GPR143: variants seen among roughly 807,000 people sequenced by gnomAD.
The protein encoded by GPR143 is G-protein coupled receptor 143.
A neutral mutation model predicts 27.6 loss-of-function variants in GPR143; 8 were observed. The ratio of observed to expected loss-of-function variants is 0.29; its 90% CI spans 0.17 to 0.52. GPR143 has a LOEUF of 0.52. Among genes scored for constraint, GPR143 ranks in the 20% least tolerant of loss-of-function variants. The pLI, the probability that GPR143 is intolerant of heterozygous loss-of-function variation, is 0.96. For missense variants in GPR143, 303 were observed against 343.1 expected (o/e 0.88, Z 0.92); for synonymous variants, 156 against 153.2 (o/e 1.02, Z -0.13).
chrX:9,763,920 G>T (rs188088837), intron 1 of GPR143, among the ~76,000 whole-genome samples: 1 of 112,535 alleles, frequency 8.9e-6, no homozygotes, highest in East Asian at 2.8e-4. Context: ...ACATAGCTGC[G>T]TTCCCATCAA....
At chrX:9,728,001 G>A (rs145054598) in intron 8 of GPR143, among the ~76,000 whole-genome samples, 1,260 of 112,353 alleles carry the variant, frequency 0.011, 16 homozygotes, top group African/African-American at 0.039. Flanking sequence ...CTAATATTAC[G>A]TCATGCTCAG....
intron 5 of GPR143, among the ~76,000 whole-genome samples, chrX:9,744,879 TAA>T (rs1306461539): frequency 8.9e-6 from 1 of 112,015 alleles, no homozygotes; most frequent in Non-Finnish European, 1.9e-5. Context: ...CTTTTTTCTA[TAA>T]GTCATTTCCA....
intron 2 of GPR143, 110 bp downstream of exon 2, chrX:9,760,607 G>A: frequency 3.9e-6 from 2 of 508,346 alleles, no homozygotes; most frequent in Admixed American, 2.7e-5. Flanking sequence ...TCAGCAGGAT[G>A]GGGCAGGACG....
upstream of GPR143, among the ~76,000 whole-genome samples, chrX:9,766,448 AAG>A (rs778439446): frequency 4.4e-3 from 494 of 112,351 alleles, 2 homozygotes; most frequent in African/African-American, 0.015. Context: ...ATGTTAAAGA[AAG>A]AGCAGTAGCT....
chrX:9,727,379 T>C (rs1305968354), intron 8 of GPR143, among the ~76,000 whole-genome samples: 1 of 113,038 alleles, frequency 8.8e-6, no homozygotes, highest in Non-Finnish European at 1.9e-5. Flanking sequence ...CTCACTCTTC[T>C]ATAGTCAGTG....
intron 1 of GPR143, among the ~76,000 whole-genome samples, chrX:9,764,429 G>C (rs2083517277): frequency 9.1e-6 from 1 of 110,236 alleles, no homozygotes; most frequent in South Asian, 3.9e-4. Flanking sequence ...AAAAAGCCTG[G>C]ATAGGGAAGG....
At position 9,739,552 on chromosome X, in the gene GPR143, A is replaced by AG; in HGVS notation, c.1052dup (p.Ala352CysfsTer14). The AG allele has an allele frequency of 1.7e-6, 2 of 1,211,427 alleles. No individual in the cohort carries two copies. The highest frequency in any genetic ancestry group is 2.2e-6 in the Non-Finnish European group (2 of 895,127). ...CCACTTGAGACACCTTCCCGGAAGC[A>AG]GGGTTTTCATGGGGCATCAGTGGGG... On this transcript the variant is annotated frameshift_variant, in exon 8 of 9. Coordinates refer to ENST00000467482, the MANE Select transcript of GPR143 (RefSeq NM_000273.3). LOFTEE classifies it high-confidence loss of function.
At chrX:9,761,102 CT>C (rs924580154) in intron 1 of GPR143, among the ~76,000 whole-genome samples, 8 of 109,483 alleles carry the variant, frequency 7.3e-5, no homozygotes, top group Non-Finnish European at 1.3e-4. Flanking sequence ...TTTTATTTAT[CT>C]TTTTTTTTGA....
At chrX:9,751,344 A>G (rs1486168103) in intron 3 of GPR143, among the ~76,000 whole-genome samples, 1 of 112,438 alleles carries the variant, frequency 8.9e-6, no homozygotes, top group South Asian at 3.7e-4. Context: ...ATTTACCAGC[A>G]TCCTGTGCTC....
chrX:9,770,323 A>AGAGAGAGAG (rs2083549800), upstream of GPR143, among the ~76,000 whole-genome samples: 4 of 89,019 alleles, frequency 4.5e-5, no homozygotes, highest in African/African-American at 1.9e-4. Flanking sequence ...AAGAAAGAAA[A>AGAGAGAGAG]AGAGAGAGAG....
At chrX:9,749,448 T>G (rs181900314) in intron 3 of GPR143, among the ~76,000 whole-genome samples, 114 of 110,544 alleles carry the variant, frequency 1.0e-3, no homozygotes, top group Middle Eastern at 4.6e-3. Context: ...CCTTTGCCCA[T>G]CCCCCAGCCC....
intron 8 of GPR143, among the ~76,000 whole-genome samples, chrX:9,732,591 G>A (rs770524726): frequency 3.6e-5 from 4 of 111,240 alleles, no homozygotes; most frequent in East Asian, 5.7e-4. Flanking sequence ...GGCTGGGCAC[G>A]GTGACTCACA....
In GPR143 at chrX:9,741,456, C is replaced by CTGTT. The variant is rs370354420; in HGVS notation, c.768-5_768-2dup. The CTGTT allele has an allele frequency of 2.8e-5, 27 of 950,800 alleles. No individual in the cohort carries two copies. In the African/African-American group the frequency reaches 5.0e-4, roughly 17 times the overall value. 78.4% of individuals were successfully genotyped at this position (950,800 alleles called of 1,213,427 possible). ...TTCATTGATGATATTCGACAACCAA[C>CTGTT]TGTTAGAAAGAAAATGGCAGCAGGT... is the stretch of plus-strand genomic sequence containing the variant. On this transcript the variant is annotated splice_acceptor_variant, in intron 6 of 8. Transcript: ENST00000467482. LOFTEE classifies it high-confidence loss of function.
At position 9,765,559 on chromosome X, in the gene GPR143, C is replaced by T; in HGVS notation, c.250+9G>A. ...CAGATTCCAACCCGCGGGCCGCGCG[C>T]GCCCTTACCCAGGCAGCCGAGAAGG... On this transcript the variant is annotated intron_variant, in intron 1 of 8. Transcript: ENST00000467482. 1 of 1,080,174 alleles carries T rather than the reference C, an allele frequency of 9.3e-7. No homozygotes were observed. Among genetic ancestry groups the T allele is most frequent in the Non-Finnish European group, 1.2e-6 (1 of 832,322 alleles). 89.0% of individuals were successfully genotyped at this position (1,080,174 alleles called of 1,213,427 possible).
intron 2 of GPR143, 129 bp downstream of exon 2, chrX:9,760,588 G>T: frequency 2.0e-6 from 1 of 489,203 alleles, no homozygotes; most frequent in Non-Finnish European, 3.7e-6. Flanking sequence ...GAGAGGGCTG[G>T]GTTCCTGATC....
chrX:9,726,722 A>G (rs2083329416), intron 8 of GPR143, among the ~76,000 whole-genome samples: 1 of 111,947 alleles, frequency 8.9e-6, no homozygotes, highest in Non-Finnish European at 1.9e-5. Flanking sequence ...TTTACTCCCC[A>G]TTTAGAAAGC....
chrX:9,760,897 A>G, intron 1 of GPR143, 71 bp from the exon 2 acceptor site: 1 of 572,916 alleles, frequency 1.7e-6, no homozygotes, highest in South Asian at 2.4e-5. Context: ...TGCTTTGGAA[A>G]AATGATAGAT....
intron 8 of GPR143, among the ~76,000 whole-genome samples, chrX:9,737,933 G>T (rs1461210371): frequency 9.0e-6 from 1 of 111,489 alleles, no homozygotes; most frequent in African/African-American, 3.3e-5. Flanking sequence ...CCAGAAGGTG[G>T]AGGCTGCAGT....
chrX:9,743,601 A>T lies in GPR143; in HGVS notation c.731T>A (p.Ile244Asn). The T allele has an allele frequency of 8.4e-7, 1 of 1,186,469 alleles. No homozygotes were observed. Among genetic ancestry groups the T allele is most frequent in the East Asian group, 3.0e-5 (1 of 33,677 alleles). The change falls in exon 6 of 9, where the codon ATC becomes AAC. Residue 244 changes from isoleucine (I) to asparagine (N), a missense_variant. By Grantham distance (149) the Ile-to-Asn change is moderately radical. Transcript: ENST00000467482. Reference sequence around the variant, plus strand: ...AACCAGCATGATTTTGAAAAATCGGATCTTGATCACGGCTCCCATCCTCCT... The same window carrying T: ...AACCAGCATGATTTTGAAAAATCGGTTCTTGATCACGGCTCCCATCCTCCT... ...NERRMGAVIK[I>N]RFFKIMLVLI... is the part of the protein sequence containing the mutation.
Sources: gnomAD v4.1 joint callset for allele counts (sites outside exome capture counted in the v4.1 genomes callset) on GRCh38, gnomAD v4.1.1 for gene constraint, MANE v1.5 for transcripts, NCBI Gene and HGNC (gene_info 2026-07-23, HGNC 2026-07-21) for gene names.